Variants in SSH2 observed in about 807,000 individuals in gnomAD.
SSH2 encodes protein phosphatase Slingshot homolog 2.
In SSH2, 37 loss-of-function variants were observed where a neutral mutation model predicts 135.2. The ratio of observed to expected loss-of-function variants is 0.27; its 90% CI spans 0.21 to 0.36. SSH2 has a LOEUF of 0.36. Among genes scored for constraint, SSH2 ranks in the 10% least tolerant of loss-of-function variants. The probability of loss-of-function intolerance (pLI) is 1.00; values close to 1 mark genes in which losing one functional copy is unlikely to be tolerated. For synonymous variants in SSH2, 628 were observed against 646.2 expected, an observed-to-expected ratio of 0.97 and a Z score of 0.43; for missense variants, 1,408 against 1,765.3, an observed-to-expected ratio of 0.80 and a Z score of 3.63.
chr17:29,903,401 A>G (rs1339671697), intron 1 of SSH2, among the ~76,000 whole-genome samples: 3 of 151,486 alleles, frequency 2.0e-5, no homozygotes, highest in African/African-American at 7.3e-5. Context: ...ATATACCACA[A>G]CTTGAAGCAT....
At chr17:29,925,894 AT>A (rs1017688189) in intron 1 of SSH2, among the ~76,000 whole-genome samples, 1 of 152,186 alleles carries the variant, frequency 6.6e-6, no homozygotes, top group East Asian at 1.9e-4. Flanking sequence ...AAGTTAATAC[AT>A]TTTTTAAAAT....
At chr17:29,831,033 G>A (rs1235206406) in intron 2 of SSH2, among the ~76,000 whole-genome samples, 2 of 152,280 alleles carry the variant, frequency 1.3e-5, no homozygotes, top group East Asian at 3.9e-4. Context: ...ACGTGCCAGT[G>A]GATTTTAATT....
At chr17:29,824,985 C>T (rs1329242744) in intron 2 of SSH2, among the ~76,000 whole-genome samples, 2 of 151,854 alleles carry the variant, frequency 1.3e-5, no homozygotes, top group African/African-American at 4.8e-5. Flanking sequence ...AGGGCCTGTA[C>T]AAAAATGAAA....
At chr17:29,761,873 A>ATG (rs1567957521) in intron 3 of SSH2, among the ~76,000 whole-genome samples, 1 of 124,704 alleles carries the variant, frequency 8.0e-6, no homozygotes, top group African/African-American at 3.4e-5. Context: ...GTGTGTGTGT[A>ATG]TATATATATA....
At chr17:29,761,524 G>C in intron 3 of SSH2, 10 of 781,026 alleles carry the variant, frequency 1.3e-5, no homozygotes, top group Non-Finnish European at 1.6e-5. Flanking sequence ...CCGGCGCCCC[G>C]CCCCAGATCT....
intron 2 of SSH2, among the ~76,000 whole-genome samples, chr17:29,802,812 G>A (rs2042274554): frequency 6.6e-6 from 1 of 151,954 alleles, no homozygotes; most frequent in African/African-American, 2.4e-5. Flanking sequence ...TTACTGTTAT[G>A]AGTCTGCAAT....
At chr17:29,832,975 C>A (rs986976708) in intron 2 of SSH2, among the ~76,000 whole-genome samples, 1 of 152,112 alleles carries the variant, frequency 6.6e-6, no homozygotes, top group African/African-American at 2.4e-5. Flanking sequence ...CCATTTTTTT[C>A]TTTTACTTTG....
chr17:29,860,438 CT>C lies in SSH2; in HGVS notation c.64-11510del, dbSNP rs376815701. On this transcript the variant is annotated intron_variant, in intron 1 of 15. Coordinates refer to ENST00000540801, the MANE Select transcript of SSH2 (RefSeq NM_001282129.2). The stretch of plus-strand genomic sequence containing the variant: ...AGCGTCTCTTCATGGCCTTTGCCCA[CT>C]TTTTTTTTTTTTTTTTTTTGAGACA... 1.6e-3 allele frequency among the ~76,000 whole-genome samples: 188 copies of C among 114,270 alleles called. 1 individual carries two copies. The highest frequency in any genetic ancestry group is 5.0e-3 in the African/African-American group (150 of 30,154). 75.0% of individuals were successfully genotyped at this position (114,270 alleles called of 152,430 possible).
chr17:29,900,781 G>A (rs76605875), intron 1 of SSH2, among the ~76,000 whole-genome samples: 78,351 of 151,684 alleles, frequency 0.52, 20,562 homozygotes, highest in East Asian at 0.69. Context: ...ATTACTGGGT[G>A]TATACCCAAA....
At chr17:29,776,386 CA>C (rs755779348) in intron 3 of SSH2, 1 of 152,176 alleles carries the variant, frequency 6.6e-6, no homozygotes, top group Non-Finnish European at 1.5e-5. Context: ...ACTATTTCAG[CA>C]GAAGGTTGTG....
chr17:29,888,802 G>A (rs981667410), intron 1 of SSH2, among the ~76,000 whole-genome samples: 42 of 148,444 alleles, frequency 2.8e-4, no homozygotes, highest in Admixed American at 1.9e-3. Flanking sequence ...AAAGCCAGGC[G>A]TGGTGGCACA....
At chr17:29,660,048 T>G (rs1344218843) in intron 11 of SSH2, among the ~76,000 whole-genome samples, 3 of 151,462 alleles carry the variant, frequency 2.0e-5, no homozygotes, top group Non-Finnish European at 4.4e-5. Flanking sequence ...CAGGATGGTC[T>G]CAATTTCCTG....
intron 1 of SSH2, among the ~76,000 whole-genome samples, chr17:29,850,995 C>G (rs545949757): frequency 2.0e-5 from 3 of 152,062 alleles, no homozygotes; most frequent in African/African-American, 7.2e-5. Flanking sequence ...AAAAAAGAAA[C>G]AAACAAACAA....
chr17:29,786,554 G>C (rs1661175406), intron 3 of SSH2, among the ~76,000 whole-genome samples: 2 of 152,100 alleles, frequency 1.3e-5, no homozygotes, highest in South Asian at 4.2e-4. Flanking sequence ...CTAAGGAAAA[G>C]TACTGCAACA....
Position 29,883,759 on chromosome 17 carries a change from T to C in SSH2, c.64-34830A>G, listed in dbSNP as rs1231523574. Among the ~76,000 whole-genome samples the C allele has an allele frequency of 2.0e-5, 3 of 152,290 alleles. No individual in the cohort carries two copies. In the South Asian group the frequency reaches 6.2e-4, roughly 32 times the overall value. ...ACCAGTCCCCTGAGACCTGTTCCTA[T>C]CAATTATCTCCTGTCTCACTTTTAT... On this transcript the variant is annotated intron_variant, in intron 1 of 15. Coordinates refer to ENST00000540801, the MANE Select transcript of SSH2 (RefSeq NM_001282129.2).
At chr17:29,671,111 T>C (rs971013393) in intron 9 of SSH2, among the ~76,000 whole-genome samples, 1 of 152,174 alleles carries the variant, frequency 6.6e-6, no homozygotes, top group African/African-American at 2.4e-5. Context: ...TAAATTGTAC[T>C]GACAAGGACT....
At chr17:29,741,611 C>CTT (rs6146027) in intron 3 of SSH2, among the ~76,000 whole-genome samples, 6 of 140,806 alleles carry the variant, frequency 4.3e-5, no homozygotes, top group East Asian at 2.1e-4. Context: ...AATCCCCCTC[C>CTT]TTTTTTTTTT....
chr17:29,703,413 C>A (rs1473869124), intron 3 of SSH2, among the ~76,000 whole-genome samples: 1 of 151,850 alleles, frequency 6.6e-6, no homozygotes, highest in Non-Finnish European at 1.5e-5. Context: ...CCACACCCAG[C>A]TAATTTTTGA....
At position 29,676,761 on chromosome 17, in the gene SSH2, C is replaced by A. The variant is rs1455366694; in HGVS notation, c.614+59G>T. 13 of 1,372,794 alleles carry A rather than the reference C, an allele frequency of 9.5e-6. No individual in the cohort carries two copies. In the Admixed American group the frequency reaches 2.1e-4, roughly 22 times the overall value. The allele number at this position is 1,372,794 out of a possible 1,614,324, so 85.0% of individuals were successfully genotyped here. A position where few individuals can be genotyped will look rare whatever the true frequency, so the allele number is the denominator to read the frequency against. On this transcript the variant is annotated intron_variant, in intron 8 of 15. Transcript: ENST00000540801. Reference sequence around the variant, plus strand: ...ACTGTACCATTTCAAACATTTCTTACAAAATATTCCTCCAATAACATTAAA... The same window carrying A: ...ACTGTACCATTTCAAACATTTCTTAAAAAATATTCCTCCAATAACATTAAA...
Sources: gnomAD v4.1 joint callset for allele counts (sites outside exome capture counted in the v4.1 genomes callset) on GRCh38, gnomAD v4.1.1 for gene constraint, MANE v1.5 for transcripts, NCBI Gene and HGNC (gene_info 2026-07-23, HGNC 2026-07-21) for gene names.